KCNIP1: variants seen among roughly 807,000 people sequenced by gnomAD.
KCNIP1 encodes A-type potassium channel modulatory protein KCNIP1.
In KCNIP1, 18 loss-of-function variants were observed where a neutral mutation model predicts 33.0. The ratio of observed to expected loss-of-function variants is 0.55; its 90% CI spans 0.38 to 0.81. The LOEUF is 0.81. KCNIP1 is among the 30% of genes least tolerant of loss of function. KCNIP1 has a pLI of 0.00. For synonymous variants in KCNIP1, 93 were observed against 98.3 expected (o/e 0.95, Z 0.32); for missense variants, 238 against 271.6 (o/e 0.88, Z 0.87).
intron 1 of KCNIP1, among the ~76,000 whole-genome samples, chr5:170,368,692 C>G (rs188355618): frequency 6.6e-6 from 1 of 152,234 alleles, no homozygotes; most frequent in Admixed American, 6.5e-5. Flanking sequence ...AGTATGGGAA[C>G]GCATGAAAGT....
intron 1 of KCNIP1, among the ~76,000 whole-genome samples, chr5:170,710,486 T>C (rs1763407426): frequency 6.6e-6 from 1 of 152,216 alleles, no homozygotes; most frequent in South Asian, 2.1e-4. Flanking sequence ...TTTTTTCTCT[T>C]AGTCTTGTCT....
intron 1 of KCNIP1, among the ~76,000 whole-genome samples, chr5:170,598,894 TGTGTGTGCGC>T (rs1249250151): frequency 7.8e-6 from 1 of 128,852 alleles, no homozygotes; most frequent in Non-Finnish European, 1.7e-5. Context: ...CCCCGCTGTG[TGTGTGTGCGC>T]GTGTGTGTGT....
At chr5:170,550,994 T>C (rs1470220252) in intron 1 of KCNIP1, among the ~76,000 whole-genome samples, 1 of 152,206 alleles carries the variant, frequency 6.6e-6, no homozygotes, top group African/African-American at 2.4e-5. Context: ...TTTACCTTCT[T>C]TCAGTGTGTG....
chr5:170,360,288 G>A (rs762609164), intron 1 of KCNIP1, among the ~76,000 whole-genome samples: 7 of 152,230 alleles, frequency 4.6e-5, no homozygotes, highest in Admixed American at 6.5e-5. Context: ...GAAGGAAGCA[G>A]GATGCAGGGC....
chr5:170,479,715 T>C (rs559224105), intron 1 of KCNIP1, among the ~76,000 whole-genome samples: 2 of 152,216 alleles, frequency 1.3e-5, no homozygotes, highest in African/African-American at 2.4e-5. Flanking sequence ...TTGGCTGTGA[T>C]GCATTGGTAG....
intron 1 of KCNIP1, among the ~76,000 whole-genome samples, chr5:170,439,791 G>A (rs1164847968): frequency 6.6e-6 from 1 of 152,258 alleles, no homozygotes; most frequent in Admixed American, 6.5e-5. Context: ...GGGACACCAG[G>A]TGGGCTCCTT....
chr5:170,630,114 C>T (rs567626247), intron 1 of KCNIP1, among the ~76,000 whole-genome samples: 20 of 152,306 alleles, frequency 1.3e-4, no homozygotes, highest in African/African-American at 4.6e-4. Context: ...GGTAAAAGGT[C>T]CCTGACAATT....
intron 1 of KCNIP1, among the ~76,000 whole-genome samples, chr5:170,613,286 G>A (rs1357320877): frequency 2.0e-5 from 3 of 152,306 alleles, no homozygotes; most frequent in South Asian, 2.1e-4. Context: ...CCTGTGAGGG[G>A]AAAGCCTATT....
At chr5:170,602,443 T>G (rs1316680922) in intron 1 of KCNIP1, among the ~76,000 whole-genome samples, 1 of 152,210 alleles carries the variant, frequency 6.6e-6, no homozygotes, top group Non-Finnish European at 1.5e-5. Flanking sequence ...CTGGGGCAGG[T>G]GCCCAGTTAC....
intron 1 of KCNIP1, among the ~76,000 whole-genome samples, chr5:170,624,753 A>AGG (rs1759757981): frequency 8.2e-5 from 1 of 12,192 alleles, no homozygotes; most frequent in Admixed American, 1.0e-3. Flanking sequence ...AGGGGAGGGG[A>AGG]GGAGAGGGGA....
At chr5:170,697,096 T>TAC (rs1245460545) in intron 1 of KCNIP1, among the ~76,000 whole-genome samples, 10 of 151,550 alleles carry the variant, frequency 6.6e-5, no homozygotes, top group Non-Finnish European at 1.2e-4. Context: ...CACACACACA[T>TAC]ACACACACAC....
intron 1 of KCNIP1, among the ~76,000 whole-genome samples, chr5:170,586,617 C>G (rs558534027): frequency 1.3e-5 from 2 of 152,356 alleles, no homozygotes; most frequent in African/African-American, 4.8e-5. Flanking sequence ...CTCAGTCCCT[C>G]ATCTTCTCCA....
intron 1 of KCNIP1, among the ~76,000 whole-genome samples, chr5:170,612,995 C>G (rs1294372038): frequency 6.6e-6 from 1 of 152,212 alleles, no homozygotes; most frequent in African/African-American, 2.4e-5. Context: ...CCCATCCGCT[C>G]TTCACATACA....
At chr5:170,719,188 C>G (rs1356161479) in intron 2 of KCNIP1, among the ~76,000 whole-genome samples, 3 of 152,146 alleles carry the variant, frequency 2.0e-5, no homozygotes, top group Non-Finnish European at 4.4e-5. Flanking sequence ...TACCTTCCAA[C>G]CTGGTGGTGC....
At chr5:170,367,349 A>AGGAAAGAAGGAAGGAAAGAAAG (rs372538602) in intron 1 of KCNIP1, among the ~76,000 whole-genome samples, 1 of 76,890 alleles carries the variant, frequency 1.3e-5, no homozygotes, top group Non-Finnish European at 2.5e-5. Flanking sequence ...GAAGGAAAGA[A>AGGAAAGAAGGAAGGAAAGAAAG]AAAGAAAGAA....
At chr5:170,435,467 G>A (rs1269454325) in intron 1 of KCNIP1, among the ~76,000 whole-genome samples, 8 of 152,198 alleles carry the variant, frequency 5.3e-5, no homozygotes, top group African/African-American at 9.7e-5. Flanking sequence ...CCGAGTTTCC[G>A]CCTCCTCATC....
At chr5:170,669,669 G>A (rs2339095) in intron 1 of KCNIP1, 2 of 984,642 alleles carry the variant, frequency 2.0e-6, no homozygotes, top group South Asian at 9.4e-5. Context: ...GGGTATGAAG[G>A]TTTGGCTTTA....
intron 1 of KCNIP1, among the ~76,000 whole-genome samples, chr5:170,483,444 G>T (rs1007555238): frequency 1.3e-5 from 2 of 152,124 alleles, no homozygotes; most frequent in South Asian, 2.1e-4. Flanking sequence ...AGCCCCTCTC[G>T]CTTCTTTTTC....
intron 1 of KCNIP1, among the ~76,000 whole-genome samples, chr5:170,495,526 G>A (rs1561651248): frequency 1.3e-5 from 2 of 152,188 alleles, no homozygotes; most frequent in Non-Finnish European, 2.9e-5. Flanking sequence ...GAAAAGCCAG[G>A]GTCTGCTCTC....
Sources: gnomAD v4.1 joint callset for allele counts (sites outside exome capture counted in the v4.1 genomes callset) on GRCh38, gnomAD v4.1.1 for gene constraint, MANE v1.5 for transcripts, NCBI Gene and HGNC (gene_info 2026-07-23, HGNC 2026-07-21) for gene names.